CYP7B1: variants seen among roughly 807,000 people sequenced by gnomAD.
The protein encoded by CYP7B1 is cytochrome P450 family 7 subfamily B member 1.
CYP7B1 carries 29 observed loss-of-function variants against 42.7 expected under a neutral mutation model. The ratio of observed to expected loss-of-function variants is 0.68; its 90% confidence interval spans 0.51 to 0.93. The LOEUF (loss-of-function observed/expected upper bound fraction) is 0.93, where lower values mean the gene tolerates loss of function less well. CYP7B1 is among the 40% of genes least tolerant of loss of function. The pLI is 0.00. For missense variants in CYP7B1, 655 were observed against 600.5 expected (o/e 1.09, Z -0.95); for synonymous variants, 235 against 218.2 (o/e 1.08, Z -0.68).
intron 1 of CYP7B1, among the ~76,000 whole-genome samples, chr8:64,759,198 A>T (rs1419854968): frequency 6.6e-6 from 1 of 152,220 alleles, no homozygotes; most frequent in African/African-American, 2.4e-5. Context: ...AATGTGGCAA[A>T]CTAGTGATTA....
chr8:64,621,033 C>T (rs963401519), intron 2 of CYP7B1, among the ~76,000 whole-genome samples: 4 of 152,164 alleles, frequency 2.6e-5, no homozygotes, highest in Non-Finnish European at 5.9e-5. Flanking sequence ...CTTGTTCTAT[C>T]TATTCATTAG....
At chr8:64,608,746 A>G (rs920585576) in intron 4 of CYP7B1, among the ~76,000 whole-genome samples, 1 of 152,222 alleles carries the variant, frequency 6.6e-6, no homozygotes, top group Non-Finnish European at 1.5e-5. Context: ...GCATTTCTAC[A>G]TAAGTGTCTT....
intron 1 of CYP7B1, among the ~76,000 whole-genome samples, chr8:64,643,138 C>CGT (rs1554527648): frequency 1.0e-5 from 1 of 95,690 alleles, no homozygotes; most frequent in Non-Finnish European, 2.1e-5. Context: ...CATATATATA[C>CGT]ATATATACAT....
intron 4 of CYP7B1, among the ~76,000 whole-genome samples, chr8:64,609,288 G>A (rs1203571198): frequency 6.6e-6 from 1 of 152,118 alleles, no homozygotes; most frequent in Non-Finnish European, 1.5e-5. Context: ...GTTATTTGTG[G>A]TGAGAAAACT....
intron 1 of CYP7B1, among the ~76,000 whole-genome samples, chr8:64,752,732 C>T (rs1807747767): frequency 6.6e-6 from 1 of 152,070 alleles, no homozygotes; most frequent in Non-Finnish European, 1.5e-5. Flanking sequence ...AACCTTGATC[C>T]TATGTACAAA....
intron 1 of CYP7B1, among the ~76,000 whole-genome samples, chr8:64,684,696 T>C (rs1458424355): frequency 8.5e-5 from 13 of 152,190 alleles, no homozygotes; most frequent in Admixed American, 2.6e-4. Flanking sequence ...TCAACAAATA[T>C]TTGGTGACAG....
At chr8:64,618,229 T>C (rs1835558327) in intron 2 of CYP7B1, among the ~76,000 whole-genome samples, 1 of 151,972 alleles carries the variant, frequency 6.6e-6, no homozygotes, top group South Asian at 2.1e-4. Context: ...GCAAAAGATA[T>C]AATTTTAGGC....
chr8:64,657,380 G>T (rs1475842010), intron 1 of CYP7B1, among the ~76,000 whole-genome samples: 2 of 152,086 alleles, frequency 1.3e-5, no homozygotes, highest in African/African-American at 2.4e-5. Flanking sequence ...AAAATAAAAA[G>T]CCAGAAGCCC....
intron 1 of CYP7B1, among the ~76,000 whole-genome samples, chr8:64,772,415 C>G (rs1327280087): frequency 6.6e-6 from 1 of 152,156 alleles, no homozygotes. Flanking sequence ...CAGTTGAAAA[C>G]CTGAATAGAA....
At chr8:64,738,315 C>G (rs958687555) in intron 1 of CYP7B1, among the ~76,000 whole-genome samples, 15 of 151,802 alleles carry the variant, frequency 9.9e-5, no homozygotes, top group Non-Finnish European at 2.9e-5. Flanking sequence ...AAAGTTTTTT[C>G]AAAAACTGAA....
chr8:64,674,810 C>G (rs974094761), intron 1 of CYP7B1, among the ~76,000 whole-genome samples: 3 of 151,968 alleles, frequency 2.0e-5, no homozygotes, highest in Non-Finnish European at 4.4e-5. Flanking sequence ...GAGAATGGAG[C>G]GTTTCAGATG....
chr8:64,601,450 G>A (rs1020434400), intron 5 of CYP7B1, among the ~76,000 whole-genome samples: 20 of 152,060 alleles, frequency 1.3e-4, no homozygotes, highest in Non-Finnish European at 2.1e-4. Context: ...GAAAGCCAAC[G>A]AACAGATTTA....
chr8:64,609,692 T>C (rs1280839452), intron 4 of CYP7B1, among the ~76,000 whole-genome samples: 1 of 152,208 alleles, frequency 6.6e-6, no homozygotes, highest in African/African-American at 2.4e-5. Context: ...TCTATTACTA[T>C]TTCCTGGGAG....
chr8:64,688,155 G>A (rs890059975), intron 1 of CYP7B1, among the ~76,000 whole-genome samples: 7 of 152,148 alleles, frequency 4.6e-5, no homozygotes, highest in Admixed American at 3.3e-4. Context: ...ACAGATGTCT[G>A]CACATAAAAC....
chr8:64,666,148 A>T (rs1332841425), intron 1 of CYP7B1, among the ~76,000 whole-genome samples: 3 of 152,296 alleles, frequency 2.0e-5, no homozygotes, highest in South Asian at 2.1e-4. Context: ...GAGTTTTTCA[A>T]ACCCCCAATA....
chr8:64,631,186 T>G (rs1362904949), intron 1 of CYP7B1, among the ~76,000 whole-genome samples: 3 of 151,954 alleles, frequency 2.0e-5, no homozygotes, highest in Non-Finnish European at 4.4e-5. Context: ...ATGCACAAAT[T>G]CTCAATAAAA....
chr8:64,721,517 G>A (rs1424111252), intron 1 of CYP7B1, among the ~76,000 whole-genome samples: 2 of 152,192 alleles, frequency 1.3e-5, no homozygotes, highest in Middle Eastern at 3.4e-3. Context: ...TAGGTCTGTC[G>A]CACTTTAAGC....
intron 1 of CYP7B1, among the ~76,000 whole-genome samples, chr8:64,697,934 C>T (rs1806854695): frequency 6.6e-6 from 1 of 152,186 alleles, no homozygotes; most frequent in South Asian, 2.1e-4. Flanking sequence ...CAAGACAGGG[C>T]TCACATAGAC....
At position 64,729,521 on chromosome 8, in the gene CYP7B1, G is replaced by A. The variant is rs77306609; in HGVS notation, c.122+68945C>T. Among the ~76,000 whole-genome samples, 79 of 152,260 alleles carry A rather than the reference G, an allele frequency of 5.2e-4. 1 individual carries two copies. In the East Asian group the frequency reaches 0.011, roughly 21 times the overall value. On this transcript the variant is annotated intron_variant, in intron 1 of 5. Coordinates refer to ENST00000310193, the MANE Select transcript of CYP7B1 (RefSeq NM_004820.5). ...GACCTTTAAAATTGTTTGTCGAGGC[G>A]TTAAAAACTCTTATGTTAGTTATAA...
Sources: gnomAD v4.1 joint callset for allele counts (sites outside exome capture counted in the v4.1 genomes callset) on GRCh38, gnomAD v4.1.1 for gene constraint, MANE v1.5 for transcripts, NCBI Gene and HGNC (gene_info 2026-07-23, HGNC 2026-07-21) for gene names.